PTPRG: variants seen among roughly 807,000 people sequenced by gnomAD.
PTPRG encodes protein tyrosine phosphatase receptor type G, also known as receptor-type tyrosine-protein phosphatase gamma.
Under a neutral mutation model 165.3 loss-of-function variants are expected in PTPRG, and 102 were observed. The observed-to-expected ratio is 0.62, with a 90% confidence interval of 0.53 to 0.73. PTPRG has a LOEUF of 0.73. Among genes scored for constraint, PTPRG ranks in the 30% least tolerant of loss-of-function variants. The pLI is 0.00. For synonymous variants in PTPRG, 675 were observed against 669.5 expected, an observed-to-expected ratio of 1.01 and a Z score of -0.13; for missense variants, 1,866 against 1,861.4, an observed-to-expected ratio of 1.00 and a Z score of -0.05.
intron 1 of PTPRG, among the ~76,000 whole-genome samples, chr3:61,655,451 A>G (rs931529546): frequency 6.6e-6 from 1 of 152,278 alleles, no homozygotes. Context: ...CACATAGTAG[A>G]TGTTCAGAAA....
intron 8 of PTPRG, among the ~76,000 whole-genome samples, chr3:62,186,584 T>TTTTTTTTTG (rs1705897860): frequency 6.7e-6 from 1 of 148,192 alleles, no homozygotes; most frequent in African/African-American, 2.5e-5. Context: ...TTTTTTTTTT[T>TTTTTTTTTG]GAGATAGGGT....
At chr3:61,938,405 T>C (rs2039531619) in intron 2 of PTPRG, among the ~76,000 whole-genome samples, 1 of 152,224 alleles carries the variant, frequency 6.6e-6, no homozygotes, top group African/African-American at 2.4e-5. Context: ...AAAAGGACTT[T>C]TGCTATGCCT....
intron 5 of PTPRG, among the ~76,000 whole-genome samples, chr3:62,086,844 T>G (rs1312356601): frequency 6.6e-6 from 1 of 151,394 alleles, no homozygotes; most frequent in Non-Finnish European, 1.5e-5. Flanking sequence ...AACATTGAAT[T>G]TATAGCCTAT....
intron 19 of PTPRG, 73 bp from the exon 20 acceptor site, chr3:62,268,962 G>C: frequency 2.2e-6 from 3 of 1,389,536 alleles, no homozygotes; most frequent in Non-Finnish European, 2.9e-6. Flanking sequence ...TAACATTGTC[G>C]TTTGAAATTA....
At chr3:61,708,618 C>A (rs2031388130) in intron 1 of PTPRG, among the ~76,000 whole-genome samples, 2 of 151,760 alleles carry the variant, frequency 1.3e-5, no homozygotes, top group Admixed American at 1.3e-4. Context: ...CCACGCCCAG[C>A]TAATTTTTTT....
At chr3:62,121,033 C>A (rs1394762824) in intron 5 of PTPRG, among the ~76,000 whole-genome samples, 1 of 151,776 alleles carries the variant, frequency 6.6e-6, no homozygotes, top group East Asian at 2.0e-4. Flanking sequence ...CAAGCTGTGC[C>A]CCCCGGGTTC....
chr3:62,120,661 G>A (rs1438573830), intron 5 of PTPRG, among the ~76,000 whole-genome samples: 1 of 151,460 alleles, frequency 6.6e-6, no homozygotes, highest in Non-Finnish European at 1.5e-5. Flanking sequence ...TGAGGCAGGA[G>A]AATCGCTTGA....
Position 61,880,521 on chromosome 3 carries a change from C to T in PTPRG, c.191-109104C>T, listed in dbSNP as rs538479026. Among the ~76,000 whole-genome samples, 16 of 149,416 alleles carry T rather than the reference C, an allele frequency of 1.1e-4. No individual in the cohort carries two copies. In the South Asian group the frequency reaches 1.7e-3, roughly 16 times the overall value. On this transcript the variant is annotated intron_variant, in intron 2 of 29. Transcript: ENST00000474889. ...TGTGGTCCCAGCTACTTGTTGGGGG[C>T]GCTGAGGAAGGAGGATTGCTTGAGC...
chr3:61,713,950 C>T (rs773375268), intron 1 of PTPRG, among the ~76,000 whole-genome samples: 4 of 152,106 alleles, frequency 2.6e-5, no homozygotes, highest in South Asian at 4.1e-4. Context: ...TACAAATGAA[C>T]GATAATGCCG....
At chr3:61,645,597 C>G (rs775350527) in intron 1 of PTPRG, among the ~76,000 whole-genome samples, 2 of 152,216 alleles carry the variant, frequency 1.3e-5, no homozygotes, top group Non-Finnish European at 2.9e-5. Context: ...GTTGCCTTAA[C>G]GGGGCTAGTT....
intron 1 of PTPRG, among the ~76,000 whole-genome samples, chr3:61,709,998 T>C (rs550730467): frequency 1.2e-4 from 18 of 152,224 alleles, no homozygotes; most frequent in South Asian, 8.3e-4. Flanking sequence ...AGAAGTAACA[T>C]TGAGCTAGAA....
intron 1 of PTPRG, among the ~76,000 whole-genome samples, chr3:61,597,009 G>A (rs1451849567): frequency 6.6e-6 from 1 of 152,074 alleles, no homozygotes; most frequent in African/African-American, 2.4e-5. Flanking sequence ...CAAGATTAAG[G>A]GGCCAGCGTG....
intron 9 of PTPRG, among the ~76,000 whole-genome samples, chr3:62,193,760 A>G (rs968244359): frequency 2.0e-5 from 3 of 152,220 alleles, no homozygotes; most frequent in Non-Finnish European, 2.9e-5. Context: ...TAACATTTTA[A>G]TACCAGTTCA....
chr3:62,041,842 G>C (rs1700139873), intron 4 of PTPRG, among the ~76,000 whole-genome samples: 1 of 152,168 alleles, frequency 6.6e-6, no homozygotes. Context: ...TGATGATAGT[G>C]ACTATAATGC....
intron 1 of PTPRG, among the ~76,000 whole-genome samples, chr3:61,608,953 C>G (rs1445445065): frequency 6.6e-6 from 1 of 152,210 alleles, no homozygotes; most frequent in Non-Finnish European, 1.5e-5. Context: ...TCACTTACAT[C>G]TGCCATGGGG....
chr3:62,064,984 G>C (rs562014992), intron 4 of PTPRG, among the ~76,000 whole-genome samples: 1 of 152,084 alleles, frequency 6.6e-6, no homozygotes, highest in Admixed American at 6.5e-5. Context: ...CTCCCAGCTC[G>C]GCTTCCCAAA....
chr3:62,237,208 G>T lies in PTPRG; in HGVS notation c.2375+5897G>T, dbSNP rs897951636. 1.3e-5 allele frequency among the ~76,000 whole-genome samples: 2 copies of T among 152,194 alleles called. No individual in the cohort carries two copies. The highest frequency in any genetic ancestry group is 4.8e-5 in the African/African-American group (2 of 41,446). ...GAAAAACAGAAGCCACAGAAGAAAA[G>T]GCCTTTATGCAGAAATTTGGTCATT... On this transcript the variant is annotated intron_variant, in intron 14 of 29. Transcript: ENST00000474889. The surrounding 1 kb of genome is among the most constrained non-coding windows in gnomAD (Gnocchi z 4.5).
intron 2 of PTPRG, among the ~76,000 whole-genome samples, chr3:61,937,376 C>G (rs1346354789): frequency 6.6e-6 from 1 of 152,146 alleles, no homozygotes; most frequent in Admixed American, 6.5e-5. Flanking sequence ...GTGCAAGGTT[C>G]CTCGTGCTCT....
chr3:61,705,499 G>C lies in PTPRG; in HGVS notation c.86-43379G>C, dbSNP rs1192833925. ...AAATAACTTTTAAGTTTGTCCAATA[G>C]AGATGTTTAAAGAAAAAAAAAATAC... On this transcript the variant is annotated intron_variant, in intron 1 of 29. Coordinates refer to ENST00000474889, the MANE Select transcript of PTPRG (RefSeq NM_002841.4). Among the ~76,000 whole-genome samples, 3 of 151,204 alleles carry C rather than the reference G, an allele frequency of 2.0e-5. No individual in the cohort carries two copies. The East Asian group carries it at 5.8e-4, about 29-fold the overall frequency.
Sources: gnomAD v4.1 joint callset for allele counts (sites outside exome capture counted in the v4.1 genomes callset) on GRCh38, gnomAD v4.1.1 for gene constraint, Gnocchi (gnomAD v3.1) non-coding constraint, MANE v1.5 for transcripts, NCBI Gene and HGNC (gene_info 2026-07-23, HGNC 2026-07-21) for gene names.